The following DMD variants were observed in gnomAD, a reference collection of about 807,000 sequenced individuals.
The protein encoded by DMD is dystrophin.
In DMD, 63 loss-of-function variants were observed where a neutral mutation model predicts 330.1. That is an observed-to-expected ratio of 0.19 (90% CI 0.16 to 0.24). DMD has a LOEUF of 0.24. Ranked by LOEUF, DMD falls within the 10% of genes least tolerant of loss-of-function variation. DMD has a pLI of 1.00. For missense variants in DMD, 3,344 were observed against 2,684.1 expected (o/e 1.25, Z -5.43); for synonymous variants, 1,223 against 959.8 (o/e 1.27, Z -5.07).
chrX:32,319,043 T>A (rs1603630639), intron 41 of DMD, among the ~76,000 whole-genome samples: 1 of 111,842 alleles, frequency 8.9e-6, no homozygotes, highest in East Asian at 2.8e-4. Flanking sequence ...ATAAACTGAA[T>A]CTGGAAAATG....
At chrX:32,454,870 A>G in intron 25 of DMD, 38 bp from the exon 26 acceptor site, 2 of 1,186,657 alleles carry the variant, frequency 1.7e-6, no homozygotes, top group African/African-American at 1.7e-5. Context: ...GATTATTGAC[A>G]GTGATGAAAC....
chrX:32,727,219 C>G (rs992398004), intron 7 of DMD, among the ~76,000 whole-genome samples: 4 of 111,414 alleles, frequency 3.6e-5, no homozygotes, highest in Non-Finnish European at 7.6e-5. Flanking sequence ...CTAATCTGCA[C>G]TAGAGAAGGT....
intron 55 of DMD, among the ~76,000 whole-genome samples, chrX:31,617,512 G>GT (rs2078267567): frequency 2.2e-5 from 2 of 91,750 alleles, no homozygotes; most frequent in Admixed American, 2.8e-4. Context: ...CCAGCCTGGG[G>GT]GACAAGAGCG....
intron 4 of DMD, among the ~76,000 whole-genome samples, chrX:32,830,923 C>T (rs1411687772): frequency 9.0e-6 from 1 of 111,270 alleles, no homozygotes; most frequent in Admixed American, 9.6e-5. Flanking sequence ...AAGAATTGCA[C>T]ATAGAAAACC....
chrX:31,467,646 C>T (rs947882086), intron 59 of DMD, among the ~76,000 whole-genome samples: 1 of 111,626 alleles, frequency 9.0e-6, no homozygotes, highest in Admixed American at 9.5e-5. Flanking sequence ...TGTGTCTCTG[C>T]CAGGTTTTGG....
intron 1 of DMD, among the ~76,000 whole-genome samples, chrX:33,076,293 T>A (rs905968430): frequency 1.8e-5 from 2 of 111,661 alleles, no homozygotes; most frequent in African/African-American, 6.5e-5. Context: ...TGAGTAATAA[T>A]AAAACTCCAG....
chrX:31,664,723 T>C (rs1456858472), intron 53 of DMD, among the ~76,000 whole-genome samples: 1 of 104,798 alleles, frequency 9.5e-6, no homozygotes, highest in Admixed American at 1.0e-4. Context: ...GACACTACCT[T>C]AATTTACGTC....
intron 44 of DMD, among the ~76,000 whole-genome samples, chrX:32,161,714 A>G (rs765328764): frequency 2.7e-5 from 3 of 111,880 alleles, no homozygotes; most frequent in Non-Finnish European, 5.6e-5. Context: ...GTTATAAAGA[A>G]TAAGCCCTGA....
intron 9 of DMD, among the ~76,000 whole-genome samples, chrX:32,696,939 A>T (rs1024195931): frequency 1.8e-5 from 2 of 111,217 alleles, no homozygotes; most frequent in African/African-American, 6.5e-5. Flanking sequence ...TAACTGCCAA[A>T]TAAATTACTA....
At chrX:32,781,745 C>T (rs923714458) in intron 7 of DMD, among the ~76,000 whole-genome samples, 4 of 110,767 alleles carry the variant, frequency 3.6e-5, no homozygotes, top group Admixed American at 9.7e-5. Context: ...CACATACATC[C>T]GCATACTAAG....
At chrX:32,920,775 G>A (rs2088316463) in intron 2 of DMD, among the ~76,000 whole-genome samples, 1 of 111,883 alleles carries the variant, frequency 8.9e-6, no homozygotes, top group Non-Finnish European at 1.9e-5. Flanking sequence ...CTATTGTAGG[G>A]AATAGCAAAT....
At chrX:32,811,981 G>A (rs1331924073) in intron 6 of DMD, among the ~76,000 whole-genome samples, 1 of 111,924 alleles carries the variant, frequency 8.9e-6, no homozygotes, top group African/African-American at 3.2e-5. Context: ...AAGATTCTAA[G>A]TATCAAGTGG....
chrX:32,497,794 C>G (rs2148668130), intron 19 of DMD, among the ~76,000 whole-genome samples: 1 of 111,076 alleles, frequency 9.0e-6, no homozygotes, highest in Non-Finnish European at 1.9e-5. Context: ...CCTAGGTTGT[C>G]CTAAAACTCC....
At chrX:32,778,132 G>A (rs1309401625) in intron 7 of DMD, among the ~76,000 whole-genome samples, 1 of 109,922 alleles carries the variant, frequency 9.1e-6, no homozygotes, top group Non-Finnish European at 1.9e-5. Flanking sequence ...AGTATTGTGT[G>A]TTGATGTAAT....
chrX:32,634,233 C>T (rs916198297), intron 11 of DMD, among the ~76,000 whole-genome samples: 23 of 111,895 alleles, frequency 2.1e-4, no homozygotes, highest in African/African-American at 6.5e-4. Context: ...TGCTGTCAGT[C>T]CTGAGTCTCT....
chrX:32,804,575 C>A (rs1437912239), intron 7 of DMD, among the ~76,000 whole-genome samples: 1 of 112,507 alleles, frequency 8.9e-6, no homozygotes, highest in African/African-American at 3.2e-5. Flanking sequence ...TCTTGCCTGC[C>A]GGCTCTGAAG....
intron 44 of DMD, among the ~76,000 whole-genome samples, chrX:32,007,213 GTAT>G (rs1251045529): frequency 2.8e-5 from 1 of 35,634 alleles, no homozygotes; most frequent in African/African-American, 8.3e-5. Context: ...AAAACTTAAA[GTAT>G]AATAATAATA....
intron 2 of DMD, among the ~76,000 whole-genome samples, chrX:32,916,289 G>T (rs1465578659): frequency 1.8e-5 from 2 of 111,505 alleles, no homozygotes; most frequent in Middle Eastern, 4.8e-3. Flanking sequence ...AATTTGAAAA[G>T]ATGTTTATAT....
At chrX:31,389,763 T>C (rs2060611924) in intron 60 of DMD, among the ~76,000 whole-genome samples, 3 of 112,370 alleles carry the variant, frequency 2.7e-5, no homozygotes, top group South Asian at 7.3e-4. Flanking sequence ...ATTTCTCCAA[T>C]ATACTTTAAG....
Sources: gnomAD v4.1 joint callset for allele counts (sites outside exome capture counted in the v4.1 genomes callset) on GRCh38, gnomAD v4.1.1 for gene constraint, MANE v1.5 for transcripts, NCBI Gene and HGNC (gene_info 2026-07-23, HGNC 2026-07-21) for gene names.